NHSL1: variants seen among roughly 807,000 people sequenced by gnomAD.
NHSL1 encodes NHS-like protein 1.
NHSL1 carries 48 observed loss-of-function variants against 95.0 expected under a neutral mutation model. The observed-to-expected ratio is 0.51, with a 90% CI of 0.40 to 0.64. NHSL1 has a LOEUF of 0.64. Among genes scored for constraint, NHSL1 ranks in the 30% least tolerant of loss-of-function variants. The pLI, the probability that NHSL1 is intolerant of heterozygous loss-of-function variation, is 0.00. For missense variants in NHSL1, 1,971 were observed against 2,077.7 expected (o/e 0.95, Z 1.00); for synonymous variants, 783 against 833.9 (o/e 0.94, Z 1.05).
At chr6:138,641,680 T>C (rs1341761458) in intron 1 of NHSL1, among the ~76,000 whole-genome samples, 1 of 150,888 alleles carries the variant, frequency 6.6e-6, no homozygotes, top group African/African-American at 2.4e-5. Flanking sequence ...GCTTTCAGTA[T>C]GCCCTATCCA....
At chr6:138,693,115 G>A (rs1196281679), upstream of NHSL1, among the ~76,000 whole-genome samples, 2 of 151,570 alleles carry the variant, frequency 1.3e-5, no homozygotes, top group Non-Finnish European at 1.5e-5. The surrounding 1 kb of genome is among the most constrained non-coding windows in gnomAD (Gnocchi z 4.3). Context: ...GGAGCCGCGA[G>A]TCCCGCTGAA....
chr6:138,689,151 T>C (rs1785626536), intron 1 of NHSL1, among the ~76,000 whole-genome samples: 1 of 152,188 alleles, frequency 6.6e-6, no homozygotes, highest in Non-Finnish European at 1.5e-5. Flanking sequence ...AAGTATTAAT[T>C]CAATTCAAAC....
chr6:138,662,043 C>T (rs578039616), intron 1 of NHSL1, among the ~76,000 whole-genome samples: 1 of 151,996 alleles, frequency 6.6e-6, no homozygotes, highest in African/African-American at 2.4e-5. Context: ...CACTGCACTA[C>T]AGCCTGGACA....
intron 3 of NHSL1, chr6:138,464,035 T>C: frequency 5.4e-6 from 2 of 373,156 alleles, no homozygotes; most frequent in Non-Finnish European, 5.0e-6. Flanking sequence ...TTGGCAAGAC[T>C]GAATAAATAT....
In NHSL1 at chr6:138,446,925, T is replaced by C. The variant is rs1429875664; in HGVS notation, c.532+76A>G. 24 of 1,354,952 alleles carry C rather than the reference T, an allele frequency of 1.8e-5. No individual in the cohort carries two copies. In the Admixed American group the frequency reaches 4.3e-4, roughly 24 times the overall value. 83.9% of individuals were successfully genotyped at this position (1,354,952 alleles called of 1,614,324 possible). On this transcript the variant is annotated intron_variant, in intron 4 of 7. Coordinates refer to ENST00000343505, the MANE Select transcript of NHSL1 (RefSeq NM_001144060.2). ...ATTCACCTTTGATGTAGCAATGAAATGCTAACAGCATAAAACAAAAAGCTG... is the reference window on the plus strand; with the variant it reads ...ATTCACCTTTGATGTAGCAATGAAACGCTAACAGCATAAAACAAAAAGCTG...
At chr6:138,542,230 A>G (rs1393483989) in intron 1 of NHSL1, among the ~76,000 whole-genome samples, 1 of 152,192 alleles carries the variant, frequency 6.6e-6, no homozygotes, top group Non-Finnish European at 1.5e-5. Context: ...AAATGCCTGG[A>G]GCCATCAGGA....
chr6:138,663,930 T>C (rs1785262640), intron 1 of NHSL1, among the ~76,000 whole-genome samples: 1 of 152,210 alleles, frequency 6.6e-6, no homozygotes, highest in Non-Finnish European at 1.5e-5. Context: ...TAACCACAGA[T>C]AATGAGGTTA....
At chr6:138,642,510 CTCCACTA>C (rs2114687340) in intron 1 of NHSL1, among the ~76,000 whole-genome samples, 1 of 152,270 alleles carries the variant, frequency 6.6e-6, no homozygotes, top group South Asian at 2.1e-4. Flanking sequence ...TGATGTGTGT[CTCCACTA>C]AATGGTTTAG....
intron 1 of NHSL1, among the ~76,000 whole-genome samples, chr6:138,652,088 T>C (rs967418940): frequency 6.6e-6 from 1 of 152,142 alleles, no homozygotes; most frequent in Non-Finnish European, 1.5e-5. Flanking sequence ...TGAAATAATA[T>C]TTATTATTTT....
rs564413526 is a variant in NHSL1 at position 138,450,751 on chromosome 6, T to C, written c.340-3558A>G. On this transcript the variant is annotated intron_variant, in intron 3 of 7. Transcript: ENST00000343505. The stretch of plus-strand genomic sequence containing the variant: ...GGGCACAGATAAAGTTATATGCAAA[T>C]GTGACTGTTAGGTCTCACAATCTAC... Among the ~76,000 whole-genome samples, 5 of 152,274 alleles carry C rather than the reference T, an allele frequency of 3.3e-5. No homozygotes were observed. The South Asian group carries it at 8.3e-4, about 25-fold the overall frequency.
At chr6:138,634,552 TA>T (rs1344517195) in intron 1 of NHSL1, among the ~76,000 whole-genome samples, 2 of 152,122 alleles carry the variant, frequency 1.3e-5, no homozygotes, top group African/African-American at 2.4e-5. Flanking sequence ...AGCACCCAGA[TA>T]TGTAAATATT....
At chr6:138,526,892 G>A (rs1262223446) in intron 1 of NHSL1, among the ~76,000 whole-genome samples, 3 of 151,946 alleles carry the variant, frequency 2.0e-5, no homozygotes, top group African/African-American at 2.4e-5. Context: ...CTGATACATC[G>A]TCAGAAATTG....
intron 5 of NHSL1, among the ~76,000 whole-genome samples, chr6:138,437,439 C>CAAAA (rs1562270875): frequency 8.9e-5 from 3 of 33,790 alleles, no homozygotes; most frequent in South Asian, 1.2e-3. Flanking sequence ...CACACACACA[C>CAAAA]ACACACAAAA....
intron 1 of NHSL1, among the ~76,000 whole-genome samples, chr6:138,640,554 G>C (rs1242113688): frequency 6.6e-6 from 1 of 151,986 alleles, no homozygotes; most frequent in Non-Finnish European, 1.5e-5. Context: ...TTCCACTAAT[G>C]AATAGTAAAT....
chr6:138,670,369 GT>G (rs765887974), intron 1 of NHSL1, among the ~76,000 whole-genome samples: 2 of 139,756 alleles, frequency 1.4e-5, no homozygotes, highest in Non-Finnish European at 3.0e-5. Flanking sequence ...ACCGTTGAAG[GT>G]AAAAAAAAAA....
At chr6:138,453,198 C>T (rs2128226017) in intron 3 of NHSL1, among the ~76,000 whole-genome samples, 1 of 152,208 alleles carries the variant, frequency 6.6e-6, no homozygotes, top group East Asian at 1.9e-4. Flanking sequence ...TGGTCTCAAA[C>T]TCTTGACCTC....
chr6:138,630,386 GTTTT>G (rs996664364), intron 1 of NHSL1, among the ~76,000 whole-genome samples: 2 of 151,976 alleles, frequency 1.3e-5, no homozygotes, highest in African/African-American at 2.4e-5. Context: ...AGTTTCTCGT[GTTTT>G]TTTGTTTGTT....
intron 1 of NHSL1, among the ~76,000 whole-genome samples, chr6:138,529,749 G>T (rs573860294): frequency 4.5e-4 from 69 of 152,268 alleles, no homozygotes; most frequent in African/African-American, 1.6e-3. Context: ...CTCAACTTCC[G>T]CTCTGCCATC....
At chr6:138,676,769 C>T (rs987211534) in intron 1 of NHSL1, among the ~76,000 whole-genome samples, 3 of 152,186 alleles carry the variant, frequency 2.0e-5, no homozygotes, top group Non-Finnish European at 4.4e-5. Flanking sequence ...ATTCTCCTGC[C>T]TCAGCCTCCT....
Sources: gnomAD v4.1 joint callset for allele counts (sites outside exome capture counted in the v4.1 genomes callset) on GRCh38, gnomAD v4.1.1 for gene constraint, Gnocchi (gnomAD v3.1) non-coding constraint, MANE v1.5 for transcripts, NCBI Gene and HGNC (gene_info 2026-07-23, HGNC 2026-07-21) for gene names.